CFAP36: variants seen among roughly 807,000 people sequenced by gnomAD.
CFAP36 encodes cilia- and flagella-associated protein 36.
A neutral mutation model predicts 50.5 loss-of-function variants in CFAP36; 37 were observed. That is an observed-to-expected ratio of 0.73 (90% CI 0.56 to 0.96). CFAP36 has a LOEUF of 0.96. CFAP36 is among the 50% of genes least tolerant of loss of function. The pLI, the probability that CFAP36 is intolerant of heterozygous loss-of-function variation, is 0.00. For synonymous variants in CFAP36, 138 were observed against 128.2 expected (o/e 1.08, Z -0.52); for missense variants, 407 against 396.2 (o/e 1.03, Z -0.23).
chr2:55,528,496 T>C (rs1684267853), intron 3 of CFAP36, among the ~76,000 whole-genome samples: 1 of 152,000 alleles, frequency 6.6e-6, no homozygotes, highest in Non-Finnish European at 1.5e-5. Flanking sequence ...CTGGTTCAAA[T>C]GATTCTCCGG....
Position 55,535,611 on chromosome 2 carries a change from C to A in CFAP36, c.486-101C>A, listed in dbSNP as rs183132580. 3 of 855,398 alleles carry A rather than the reference C, an allele frequency of 3.5e-6. No homozygotes were observed. The East Asian group carries it at 8.9e-5, about 25-fold the overall frequency. 53.0% of individuals were successfully genotyped at this position (855,398 alleles called of 1,614,324 possible). On this transcript the variant is annotated intron_variant, in intron 5 of 9. Coordinates refer to ENST00000349456, the MANE Select transcript of CFAP36 (RefSeq NM_080667.7). Reference sequence around the variant, plus strand: ...ATCTTCCATCTTTGTGTCTAATGTGCCTTTTATTGTAAGCTTAGGTTAGCA... The same window carrying A: ...ATCTTCCATCTTTGTGTCTAATGTGACTTTTATTGTAAGCTTAGGTTAGCA...
chr2:55,530,559 G>A (rs972461224), intron 4 of CFAP36, among the ~76,000 whole-genome samples: 5 of 152,150 alleles, frequency 3.3e-5, no homozygotes, highest in African/African-American at 1.2e-4. Flanking sequence ...TCTTTCCCCT[G>A]ACCCTGTGCT....
intron 1 of CFAP36, among the ~76,000 whole-genome samples, chr2:55,520,220 G>C (rs1281203091): frequency 6.6e-6 from 1 of 152,156 alleles, no homozygotes; most frequent in Non-Finnish European, 1.5e-5. Flanking sequence ...TCGTAAATTC[G>C]GTCTCTCACC....
At chr2:55,531,802 T>G (rs1200028751) in intron 4 of CFAP36, among the ~76,000 whole-genome samples, 1 of 152,214 alleles carries the variant, frequency 6.6e-6, no homozygotes, top group African/African-American at 2.4e-5. Flanking sequence ...GAGACCATTA[T>G]GATTGGCTTG....
chr2:55,525,352 G>A (rs1684179560), intron 3 of CFAP36, among the ~76,000 whole-genome samples: 1 of 152,058 alleles, frequency 6.6e-6, no homozygotes, highest in South Asian at 2.1e-4. Flanking sequence ...ACCTACTCAG[G>A]ATGCTGAAGT....
At chr2:55,544,806 A>G in intron 9 of CFAP36, 101 bp from the exon 10 acceptor site, 1 of 693,392 alleles carries the variant, frequency 1.4e-6, no homozygotes. Flanking sequence ...CCGTCCCACA[A>G]GAAGGTGCCC....
intron 1 of CFAP36, chr2:55,520,576 C>A: frequency 1.1e-6 from 1 of 888,202 alleles, no homozygotes; most frequent in Non-Finnish European, 1.6e-6. Context: ...TAATATTCCC[C>A]GTGAAGGACA....
chr2:55,536,459 T>C (rs1314319765), intron 6 of CFAP36, among the ~76,000 whole-genome samples: 1 of 151,704 alleles, frequency 6.6e-6, no homozygotes, highest in Non-Finnish European at 1.5e-5. Context: ...CTTTTATTTA[T>C]TTATTTTTTT....
intron 3 of CFAP36, among the ~76,000 whole-genome samples, chr2:55,526,023 C>T (rs929269855): frequency 3.9e-5 from 6 of 152,180 alleles, no homozygotes; most frequent in African/African-American, 1.4e-4. Flanking sequence ...TCCATCATTC[C>T]TTTCATAATG....
rs751217837 is a variant in CFAP36, at chr2:55,537,599, G to A, written c.640+14G>A. The A allele has an allele frequency of 3.6e-5, 56 of 1,535,910 alleles. 3 individuals carry two copies. In the South Asian group the frequency reaches 6.3e-4, roughly 17 times the overall value. On this transcript the variant is annotated intron_variant, in intron 7 of 9. Transcript: ENST00000349456. Reference sequence around the variant, plus strand: ...ACCCACCCTCAGGTAAGGTTGAGGTGTACTGAACTTTCTCTAATAATATGA... The same window carrying A: ...ACCCACCCTCAGGTAAGGTTGAGGTATACTGAACTTTCTCTAATAATATGA...
intron 4 of CFAP36, among the ~76,000 whole-genome samples, chr2:55,529,887 C>G (rs1684310418): frequency 6.6e-6 from 1 of 152,128 alleles, no homozygotes; most frequent in African/African-American, 2.4e-5. Context: ...ACCTCGTGAT[C>G]CGCCCGCCTT....
intron 6 of CFAP36, 138 bp downstream of exon 6, chr2:55,535,901 T>C: frequency 1.4e-6 from 2 of 1,388,594 alleles, no homozygotes; most frequent in East Asian, 5.3e-5. Context: ...ACCAATAATA[T>C]TAATATATCA....
chr2:55,530,130 G>A (rs1020891606), intron 4 of CFAP36, among the ~76,000 whole-genome samples: 1 of 152,102 alleles, frequency 6.6e-6, no homozygotes, highest in Non-Finnish European at 1.5e-5. Context: ...ATTGAATTTT[G>A]GGGGCAGGTG....
At chr2:55,536,225 G>A (rs1289861646) in intron 6 of CFAP36, among the ~76,000 whole-genome samples, 2 of 146,488 alleles carry the variant, frequency 1.4e-5, no homozygotes, top group East Asian at 2.1e-4. Flanking sequence ...CTCTGCCTCC[G>A]GGGTTCAAGC....
chr2:55,535,863 C>A, intron 6 of CFAP36, 100 bp downstream of exon 6: 1 of 1,437,180 alleles, frequency 7.0e-7, no homozygotes, highest in Non-Finnish European at 9.2e-7. Context: ...TGTGGAACTA[C>A]ATAATTTTAA....
intron 3 of CFAP36, among the ~76,000 whole-genome samples, chr2:55,528,082 A>G (rs546127473): frequency 6.6e-6 from 1 of 151,140 alleles, no homozygotes; most frequent in East Asian, 2.0e-4. Flanking sequence ...CAAACTGCTG[A>G]CCTCAGGTAA....
At chr2:55,535,949 A>G (rs918051477) in intron 6 of CFAP36, 186 bp downstream of exon 6, 4 of 1,242,682 alleles carry the variant, frequency 3.2e-6, no homozygotes, top group African/African-American at 3.1e-5. Context: ...GCTGGCCACC[A>G]TATTATATAG....
chr2:55,520,178 GA>G (rs1684022187), intron 1 of CFAP36, among the ~76,000 whole-genome samples: 1 of 152,154 alleles, frequency 6.6e-6, no homozygotes, highest in African/African-American at 2.4e-5. Context: ...CTCTGGGGCC[GA>G]AGCGCACGTC....
At chr2:55,526,108 A>G (rs372627129) in intron 3 of CFAP36, among the ~76,000 whole-genome samples, 4 of 152,392 alleles carry the variant, frequency 2.6e-5, no homozygotes, top group African/African-American at 9.6e-5. Flanking sequence ...TTCTAAAGTC[A>G]GACCAGAATT....
Sources: allele counts gnomAD v4.1 joint callset (sites outside exome capture counted in the v4.1 genomes callset), GRCh38; gene constraint gnomAD v4.1.1; transcripts MANE v1.5; gene names NCBI Gene and HGNC (gene_info 2026-07-23, HGNC 2026-07-21).